ANXA6: variants seen among roughly 807,000 people sequenced by gnomAD.
The protein encoded by ANXA6 is annexin A6, also known as 67 kDa calelectrin.
In ANXA6, 71 loss-of-function variants were observed where a neutral mutation model predicts 95.4. That is an observed-to-expected ratio of 0.74 (90% confidence interval 0.61 to 0.91). The LOEUF is 0.91. Among genes scored for constraint, ANXA6 ranks in the 40% least tolerant of loss-of-function variants. The pLI, the probability that ANXA6 is intolerant of heterozygous loss-of-function variation, is 0.00. For missense variants in ANXA6, 830 were observed against 876.4 expected, an observed-to-expected ratio of 0.95 and a Z score of 0.67; for synonymous variants, 289 against 315.9, an observed-to-expected ratio of 0.91 and a Z score of 0.90.
At chr5:151,138,964 A>G (rs1582011215) in intron 4 of ANXA6, 173 bp from the exon 5 acceptor site, 1 of 623,308 alleles carries the variant, frequency 1.6e-6, no homozygotes, top group East Asian at 2.7e-5. Context: ...AGGCTCAGAA[A>G]CAACAGAGGT....
chr5:151,108,098 G>A (rs1195457908), intron 23 of ANXA6, among the ~76,000 whole-genome samples: 1 of 151,994 alleles, frequency 6.6e-6, no homozygotes, highest in Non-Finnish European at 1.5e-5. Flanking sequence ...TGTCACATGT[G>A]AGAATGTGTG....
At chr5:151,142,327 A>C in intron 2 of ANXA6, among the ~76,000 whole-genome samples, 1 of 152,090 alleles carries the variant, frequency 6.6e-6, no homozygotes, top group East Asian at 1.9e-4. Context: ...AAAATACAAA[A>C]ATTAGCCAGG....
chr5:151,110,348 TA>T (rs150493894), intron 21 of ANXA6, among the ~76,000 whole-genome samples: 19,939 of 152,290 alleles, frequency 0.13, 1,392 homozygotes, highest in African/African-American at 0.16. Flanking sequence ...ATACTGATAG[TA>T]AATTCCCCTT....
intron 7 of ANXA6, 25 bp from the exon 8 acceptor site, chr5:151,134,508 T>C (rs1366768226): frequency 4.3e-6 from 7 of 1,613,678 alleles, no homozygotes; most frequent in Non-Finnish European, 5.9e-6. Context: ...AAAGAACATG[T>C]GTTTCAAACA....
chr5:151,149,943 C>T (rs140702414), intron 1 of ANXA6, among the ~76,000 whole-genome samples: 1,799 of 152,028 alleles, frequency 0.012, 36 homozygotes, highest in African/African-American at 0.042. Context: ...ACATGCGAAA[C>T]CCCGTCTCTA....
intron 11 of ANXA6, 65 bp from the exon 12 acceptor site, chr5:151,129,594 G>A (rs1352275337): frequency 6.7e-7 from 1 of 1,501,290 alleles, no homozygotes; most frequent in African/African-American, 1.4e-5. Context: ...ATAGCTCCCA[G>A]CTTAGTTGAA....
chr5:151,150,683 A>G (rs1398800242), intron 1 of ANXA6, among the ~76,000 whole-genome samples: 1 of 152,180 alleles, frequency 6.6e-6, no homozygotes, highest in Non-Finnish European at 1.5e-5. Flanking sequence ...ACAACTGTGC[A>G]GCTCTCACCA....
At chr5:151,151,665 G>C (rs1766108543) in intron 1 of ANXA6, among the ~76,000 whole-genome samples, 1 of 152,168 alleles carries the variant, frequency 6.6e-6, no homozygotes, top group Admixed American at 6.5e-5. Context: ...TCTATAGTTA[G>C]AGGCTTTTAG....
intron 2 of ANXA6, among the ~76,000 whole-genome samples, chr5:151,143,634 T>C (rs1483700085): frequency 2.6e-5 from 4 of 152,068 alleles, no homozygotes; most frequent in Non-Finnish European, 4.4e-5. Flanking sequence ...GCAGATACGA[T>C]GCTAAGGGCA....
Position 151,100,952 on chromosome 5 carries a change from T to C in ANXA6, c.*496A>G, listed in dbSNP as rs1294827465. On this transcript the variant is annotated 3_prime_UTR_variant, in exon 26 of 26. Coordinates refer to ENST00000354546, the MANE Select transcript of ANXA6 (RefSeq NM_001155.5). Reference sequence around the variant, plus strand: ...GGCATCCAAATTCCTGGTCCAGTACTCTAGCGCGGCCTGGATGGAGATGGG... The same window carrying C: ...GGCATCCAAATTCCTGGTCCAGTACCCTAGCGCGGCCTGGATGGAGATGGG... 1 of 456,810 alleles carries C rather than the reference T, an allele frequency of 2.2e-6. No homozygotes were observed. Among genetic ancestry groups the C allele is most frequent in the Admixed American group, 2.3e-5 (1 of 42,596 alleles). 28.3% of individuals were successfully genotyped at this position (456,810 alleles called of 1,614,324 possible).
chr5:151,105,183 GTGTT>G, intron 24 of ANXA6, 58 bp downstream of exon 24: 2 of 1,445,272 alleles, frequency 1.4e-6, no homozygotes, highest in Non-Finnish European at 1.9e-6. Flanking sequence ...GCACATCTGT[GTGTT>G]TGTGTGTGTA....
chr5:151,120,035 A>T (rs1489183546), intron 17 of ANXA6, among the ~76,000 whole-genome samples: 1 of 152,114 alleles, frequency 6.6e-6, no homozygotes, highest in Non-Finnish European at 1.5e-5. Context: ...GCATGCCACC[A>T]TGCTTGGCTA....
Position 151,122,392 on chromosome 5 carries a change from T to C in ANXA6, c.1234-132A>G, listed in dbSNP as rs183248945. 680 of 618,764 alleles carry C rather than the reference T, an allele frequency of 1.1e-3. 6 individuals are homozygous for C. In the African/African-American group the frequency reaches 0.012, roughly 11 times the overall value. 38.3% of individuals were successfully genotyped at this position (618,764 alleles called of 1,614,324 possible). ...GGAAGCTTGTGTCTGTCTTTGCTGA[T>C]GTTGTACTTATTATTTAGATGAAGC... is the stretch of plus-strand genomic sequence containing the variant. On this transcript the variant is annotated intron_variant, in intron 16 of 25. Coordinates refer to ENST00000354546, the MANE Select transcript of ANXA6 (RefSeq NM_001155.5).
At position 151,139,404 on chromosome 5, in the gene ANXA6, GC is replaced by G; in HGVS notation, c.152del (p.Ser51ThrfsTer24). 6.2e-7 allele frequency: 1 copy of G among 1,613,664 alleles called. No individual in the cohort carries two copies. The highest frequency in any genetic ancestry group is 8.5e-7 in the Non-Finnish European group (1 of 1,179,700). ...GGCAGACCTCCTGCCTCTGCCTGTTGCTCCGTGAGGTGATTATGTCCAGTAT... is the reference window on the plus strand; with the variant it reads ...GGCAGACCTCCTGCCTCTGCCTGTTGTCCGTGAGGTGATTATGTCCAGTAT... ...EAILDIITSR[S>X]NRQRQEVCQS... On this transcript the variant is annotated frameshift_variant, in exon 4 of 26. Transcript: ENST00000354546. LOFTEE classifies it high-confidence loss of function.
chr5:151,149,404 C>G (rs1277756526), intron 1 of ANXA6, among the ~76,000 whole-genome samples: 1 of 152,042 alleles, frequency 6.6e-6, no homozygotes, highest in Non-Finnish European at 1.5e-5. Context: ...AGGAGGGCAA[C>G]AGATGAAAGT....
At chr5:151,132,439 C>G (rs1197480639) in intron 10 of ANXA6, 37 bp downstream of exon 10, 1 of 1,498,066 alleles carries the variant, frequency 6.7e-7, no homozygotes, top group Admixed American at 1.9e-5. Flanking sequence ...GTTCCAGAAT[C>G]CCCTAAAGCC....
chr5:151,136,953 A>G (rs1765680672), intron 6 of ANXA6, among the ~76,000 whole-genome samples: 1 of 152,214 alleles, frequency 6.6e-6, no homozygotes, highest in Non-Finnish European at 1.5e-5. Context: ...AAAATCCATC[A>G]TCACTGTGTT....
At chr5:151,134,583 T>C in intron 7 of ANXA6, 100 bp from the exon 8 acceptor site, 1 of 1,192,590 alleles carries the variant, frequency 8.4e-7, no homozygotes, top group Non-Finnish European at 1.3e-6. Flanking sequence ...AAAACCCTGG[T>C]GGCCCAGATG....
chr5:151,111,400 CTCTTTA>C (rs1330426590), intron 20 of ANXA6, among the ~76,000 whole-genome samples: 2 of 152,192 alleles, frequency 1.3e-5, no homozygotes, highest in Non-Finnish European at 2.9e-5. Flanking sequence ...ATAGACTGAA[CTCTTTA>C]TAAACTTCAC....
Sources: allele counts gnomAD v4.1 joint callset (sites outside exome capture counted in the v4.1 genomes callset), GRCh38; gene constraint gnomAD v4.1.1; transcripts MANE v1.5; gene names NCBI Gene and HGNC (gene_info 2026-07-23, HGNC 2026-07-21).